The following FAM167A variants were observed in gnomAD, a reference collection of about 807,000 sequenced individuals.
The protein encoded by FAM167A is family with sequence similarity 167 member A, also known as protein FAM167A.
A neutral mutation model predicts 14.9 loss-of-function variants in FAM167A; 23 were observed. That is an observed-to-expected ratio of 1.55 (90% CI 1.11 to 2.19). The LOEUF is 2.19. Ranked by LOEUF, FAM167A falls within the 30% of genes most tolerant of loss-of-function variation. FAM167A has a pLI of 0.00. For synonymous variants in FAM167A, 174 were observed against 117.7 expected, an observed-to-expected ratio of 1.48 and a Z score of -3.10; for missense variants, 401 against 281.5, an observed-to-expected ratio of 1.42 and a Z score of -3.04.
chr8:11,422,203 G>A lies in FAM167A; in HGVS notation c.*2170C>T, dbSNP rs959374183. 2.2e-5 allele frequency: 4 copies of A among 185,810 alleles called. No homozygotes were observed. In the East Asian group the frequency reaches 4.1e-4, roughly 19 times the overall value. 11.5% of individuals were successfully genotyped at this position (185,810 alleles called of 1,614,324 possible). ...AACTTAATTGGACTGACTACATTCA[G>A]CTAAATCTTTCCATTTTCGCTGAAC... On this transcript the variant is annotated 3_prime_UTR_variant, in exon 3 of 3. Coordinates refer to ENST00000284486, the MANE Select transcript of FAM167A (RefSeq NM_053279.3).
At chr8:11,437,754 T>C (rs905431007) in intron 2 of FAM167A, among the ~76,000 whole-genome samples, 15 of 152,296 alleles carry the variant, frequency 9.8e-5, no homozygotes, top group African/African-American at 3.4e-4. Context: ...TGTGCTGTTA[T>C]AATGGGGAGG....
intron 2 of FAM167A, among the ~76,000 whole-genome samples, chr8:11,443,250 C>CA (rs1806545603): frequency 6.6e-6 from 1 of 152,210 alleles, no homozygotes; most frequent in Admixed American, 6.5e-5. Flanking sequence ...ACAGGGCACC[C>CA]AGCTCTGCCC....
At chr8:11,460,947 G>C (rs1245447578) in intron 1 of FAM167A, among the ~76,000 whole-genome samples, 1 of 152,214 alleles carries the variant, frequency 6.6e-6, no homozygotes, top group Non-Finnish European at 1.5e-5. Context: ...AATAATTGAT[G>C]GGCTCAGGCT....
intron 2 of FAM167A, 107 bp from the exon 3 acceptor site, chr8:11,424,743 T>A: frequency 6.9e-7 from 1 of 1,450,474 alleles, no homozygotes; most frequent in Non-Finnish European, 9.2e-7. Flanking sequence ...CATTAAGTGG[T>A]CCATCTAGAA....
chr8:11,430,517 G>A (rs948263082), intron 2 of FAM167A, among the ~76,000 whole-genome samples: 1 of 152,212 alleles, frequency 6.6e-6, no homozygotes, highest in Non-Finnish European at 1.5e-5. Context: ...AAAAACCACT[G>A]AATTGCTATT....
Position 11,425,673 on chromosome 8 carries a change from C to G in FAM167A, c.382-1037G>C, listed in dbSNP as rs537535721. ...GTTCAGACATGCTTTGTTATACCCC[C>G]CCTTGCTGTTGGAGTTTAGGCACAG... On this transcript the variant is annotated intron_variant, in intron 2 of 2. Transcript: ENST00000284486. Among the ~76,000 whole-genome samples the G allele has an allele frequency of 3.9e-5, 6 of 152,072 alleles. No individual in the cohort carries two copies. In the East Asian group the frequency reaches 9.6e-4, roughly 24 times the overall value.
At chr8:11,438,420 T>G (rs760720244) in intron 2 of FAM167A, 4 of 453,126 alleles carry the variant, frequency 8.8e-6, no homozygotes, top group South Asian at 6.4e-5. Context: ...AAGGCCTTAC[T>G]TTTATTTTAT....
chr8:11,432,737 C>A (rs991744403), intron 2 of FAM167A, among the ~76,000 whole-genome samples: 1 of 152,218 alleles, frequency 6.6e-6, no homozygotes, highest in South Asian at 2.1e-4. Context: ...GATTATAAAT[C>A]ATTCTATGAT....
chr8:11,446,195 G>A (rs1175489432), intron 1 of FAM167A, among the ~76,000 whole-genome samples: 1 of 152,172 alleles, frequency 6.6e-6, no homozygotes, highest in Non-Finnish European at 1.5e-5. Flanking sequence ...TCTCCGACAT[G>A]GCACGCAGAC....
rs781152754 is a variant in FAM167A at position 11,444,349 on chromosome 8, T to A, written c.63A>T (p.Ala21=). 1.2e-6 allele frequency: 2 copies of A among 1,602,598 alleles called. No individual in the cohort carries two copies. The highest frequency in any genetic ancestry group is 2.2e-5 in the South Asian group (2 of 90,538). ...VGAEEGAGAA[A]PPDDHLRSLK... Reference sequence around the variant, plus strand: ...GGCTCCGGAGGTGGTCATCGGGTGGTGCGGCTGCTCCCGCCCCCTCTTCTG... The same window carrying A: ...GGCTCCGGAGGTGGTCATCGGGTGGAGCGGCTGCTCCCGCCCCCTCTTCTG... Residue 21 remains alanine (A), a synonymous_variant, in exon 2 of 3, where the codon GCA becomes GCT. Transcript: ENST00000284486.
Position 11,424,766 on chromosome 8 carries a change from T to G in FAM167A, c.382-130A>C, listed in dbSNP as rs558608053. On this transcript the variant is annotated intron_variant, in intron 2 of 2. Coordinates refer to ENST00000284486, the MANE Select transcript of FAM167A (RefSeq NM_053279.3). The stretch of plus-strand genomic sequence containing the variant: ...GGTCCATCTAGAAATATTAGCACTT[T>G]CCCTGCTCAGGGAGGTGAAAAGACA... The G allele has an allele frequency of 4.2e-5, 56 of 1,342,480 alleles. 1 individual carries two copies. Among genetic ancestry groups the G allele is most frequent in the Non-Finnish European group, 5.3e-5 (53 of 997,472 alleles). 83.2% of individuals were successfully genotyped at this position (1,342,480 alleles called of 1,614,324 possible).
At position 11,422,395 on chromosome 8, in the gene FAM167A, TGTGTGTGTGTAG is replaced by T. The variant is rs940720448; in HGVS notation, c.*1966_*1977del. On this transcript the variant is annotated 3_prime_UTR_variant, in exon 3 of 3. Coordinates refer to ENST00000284486, the MANE Select transcript of FAM167A (RefSeq NM_053279.3). ...GGGGGTGTGTGTGTGTGTGTGTGTG[TGTGTGTGTGTAG>T]GTCAGCCCGAGACCTCAAGGGCTTA... is the stretch of plus-strand genomic sequence containing the variant. 1 of 151,438 alleles carries T rather than the reference TGTGTGTGTGTAG, an allele frequency of 6.6e-6. No homozygotes were observed. The highest frequency in any genetic ancestry group is 2.5e-5 in the African/African-American group (1 of 40,258). The allele number at this position is 151,438 out of a possible 1,614,324, so 9.4% of individuals were successfully genotyped here. A position where few individuals can be genotyped will look rare whatever the true frequency, so the allele number is the denominator to read the frequency against.
intron 2 of FAM167A, among the ~76,000 whole-genome samples, chr8:11,429,598 G>C (rs1418406041): frequency 5.9e-5 from 9 of 152,236 alleles, no homozygotes; most frequent in Admixed American, 5.9e-4. Context: ...AACTGTCTCA[G>C]AGAAGTAAAG....
At chr8:11,440,273 G>A (rs1001660367) in intron 2 of FAM167A, among the ~76,000 whole-genome samples, 1 of 152,194 alleles carries the variant, frequency 6.6e-6, no homozygotes, top group Non-Finnish European at 1.5e-5. Flanking sequence ...AGGTCAGGCC[G>A]TCTTAGCTGG....
intron 1 of FAM167A, among the ~76,000 whole-genome samples, chr8:11,475,518 G>A (rs1162678595): frequency 6.6e-6 from 1 of 151,882 alleles, no homozygotes; most frequent in East Asian, 1.9e-4. Flanking sequence ...AAGAAATCAA[G>A]CAGAAGCCAA....
intron 2 of FAM167A, among the ~76,000 whole-genome samples, chr8:11,441,308 G>A (rs144808714): frequency 7.2e-5 from 11 of 152,270 alleles, no homozygotes; most frequent in East Asian, 5.8e-4. Context: ...CCCTGGTCTC[G>A]CCCTCCTTTC....
chr8:11,440,182 G>A (rs554612709), intron 2 of FAM167A, among the ~76,000 whole-genome samples: 24 of 152,252 alleles, frequency 1.6e-4, no homozygotes, highest in African/African-American at 4.1e-4. Flanking sequence ...ACTGGGCCTC[G>A]CCTGGAGGAG....
chr8:11,463,459 C>T (rs62489064), intron 1 of FAM167A, among the ~76,000 whole-genome samples: 1 of 152,218 alleles, frequency 6.6e-6, no homozygotes, highest in Non-Finnish European at 1.5e-5. Context: ...GACCTAGGGG[C>T]TGCTGTGCCC....
chr8:11,426,713 G>A (rs918597344), intron 2 of FAM167A, among the ~76,000 whole-genome samples: 2 of 152,150 alleles, frequency 1.3e-5, no homozygotes, highest in African/African-American at 2.4e-5. Flanking sequence ...AGAGACAAAC[G>A]ATTGCATTCT....
Sources: gnomAD v4.1 joint callset for allele counts (sites outside exome capture counted in the v4.1 genomes callset) on GRCh38, gnomAD v4.1.1 for gene constraint, MANE v1.5 for transcripts, NCBI Gene and HGNC (gene_info 2026-07-23, HGNC 2026-07-21) for gene names.